Variants in OPRM1 observed in about 807,000 individuals in gnomAD.
OPRM1 encodes opioid receptor mu 1.
A neutral mutation model predicts 31.8 loss-of-function variants in OPRM1; 27 were observed. That is an observed-to-expected ratio of 0.85 (90% confidence interval 0.63 to 1.17). The LOEUF (loss-of-function observed/expected upper bound fraction) is 1.17, where lower values mean the gene tolerates loss of function less well. Ranked by LOEUF, OPRM1 falls within the 50% of genes most tolerant of loss-of-function variation. The pLI is 0.00. For synonymous variants in OPRM1, 196 were observed against 189.9 expected (o/e 1.03, Z -0.26); for missense variants, 536 against 511.1 (o/e 1.05, Z -0.47).
chr6:154,098,361 G>A (rs1363759450), intron 3 of OPRM1, among the ~76,000 whole-genome samples: 1 of 152,152 alleles, frequency 6.6e-6, no homozygotes, highest in African/African-American at 2.4e-5. Flanking sequence ...AAAATGAGAT[G>A]TCATCTTATT....
chr6:154,237,530 T>C (rs986179756), intron 3 of OPRM1, among the ~76,000 whole-genome samples: 8 of 152,192 alleles, frequency 5.3e-5, no homozygotes, highest in African/African-American at 1.9e-4. Context: ...TTGTATACAT[T>C]CCTTTGATTT....
At chr6:154,116,446 G>A (rs572848253) in intron 3 of OPRM1, among the ~76,000 whole-genome samples, 3 of 152,094 alleles carry the variant, frequency 2.0e-5, no homozygotes, top group South Asian at 4.2e-4. Context: ...TTAGCTGGGC[G>A]TGGTGGCACA....
At chr6:154,181,638 A>T (rs1161348353) in intron 3 of OPRM1, among the ~76,000 whole-genome samples, 1 of 152,204 alleles carries the variant, frequency 6.6e-6, no homozygotes, top group Non-Finnish European at 1.5e-5. Context: ...TGCTTGAACT[A>T]CTGCATCTTC....
At chr6:154,116,667 G>C (rs185489097) in intron 3 of OPRM1, among the ~76,000 whole-genome samples, 5 of 151,998 alleles carry the variant, frequency 3.3e-5, no homozygotes, top group African/African-American at 9.7e-5. Context: ...AGAAATCCAG[G>C]GTAGCAAACC....
intron 3 of OPRM1, among the ~76,000 whole-genome samples, chr6:154,235,425 G>C (rs577274865): frequency 1.3e-5 from 2 of 150,892 alleles, no homozygotes; most frequent in Non-Finnish European, 2.9e-5. Flanking sequence ...CCAGCTACTC[G>C]AGAGGCTGAG....
At chr6:154,181,485 C>T (rs768214911) in intron 3 of OPRM1, among the ~76,000 whole-genome samples, 1 of 152,214 alleles carries the variant, frequency 6.6e-6, no homozygotes, top group South Asian at 2.1e-4. Flanking sequence ...TTTAAATTTA[C>T]ATAGCTATAC....
At chr6:154,200,770 C>T (rs542399161) in intron 3 of OPRM1, among the ~76,000 whole-genome samples, 15 of 152,186 alleles carry the variant, frequency 9.9e-5, no homozygotes, top group East Asian at 5.8e-4. Context: ...AAACAAAATA[C>T]GAACTTAAAC....
intron 3 of OPRM1, among the ~76,000 whole-genome samples, chr6:154,117,109 G>A (rs17181296): frequency 0.036 from 5,475 of 152,192 alleles, 163 homozygotes; most frequent in Non-Finnish European, 0.045. Context: ...TTCATCAACA[G>A]GTAGGACAGA....
At chr6:154,032,580 C>T (rs1476702024) in intron 1 of OPRM1, among the ~76,000 whole-genome samples, 4 of 152,100 alleles carry the variant, frequency 2.6e-5, no homozygotes, top group South Asian at 2.1e-4. Context: ...GGATTACAAG[C>T]GTGCACCACA....
At chr6:154,169,466 C>T (rs1272513156) in intron 3 of OPRM1, among the ~76,000 whole-genome samples, 1 of 152,160 alleles carries the variant, frequency 6.6e-6, no homozygotes, top group African/African-American at 2.4e-5. Flanking sequence ...CCATGCAAGT[C>T]GACAAATATC....
intron 1 of OPRM1, among the ~76,000 whole-genome samples, chr6:154,078,344 G>A (rs1788328674): frequency 6.6e-6 from 1 of 152,086 alleles, no homozygotes; most frequent in Non-Finnish European, 1.5e-5. Flanking sequence ...AATATCCATT[G>A]CATATATTCC....
chr6:154,227,119 G>T lies in OPRM1; in HGVS notation c.1165-19574G>T, dbSNP rs150732050. Among the ~76,000 whole-genome samples, 813 of 152,140 alleles carry T rather than the reference G, an allele frequency of 5.3e-3. 7 individuals are homozygous for T. The highest frequency in any genetic ancestry group is 8.6e-3 in the Non-Finnish European group (583 of 67,992). Reference sequence around the variant, plus strand: ...AGGCTGAGGCTGAGGCAGGAGAATCGCTTGAACCTGGGAGGCAGAGGTTGC... The same window carrying T: ...AGGCTGAGGCTGAGGCAGGAGAATCTCTTGAACCTGGGAGGCAGAGGTTGC... On this transcript the variant is annotated intron_variant, in intron 3 of 3. Transcript: ENST00000337049.
rs149130418 is a variant in OPRM1, at chr6:154,126,839, C to A, written c.*8118C>A. 1.3e-5 allele frequency among the ~76,000 whole-genome samples: 2 copies of A among 152,034 alleles called. No homozygotes were observed. The highest frequency in any genetic ancestry group is 4.8e-5 in the African/African-American group (2 of 41,340). On this transcript the variant is annotated 3_prime_UTR_variant, in exon 4 of 4. Transcript: ENST00000330432. ...CAAATAAAAAAGTGCCTGCTGGGCG[C>A]GGTGGCTCACGCCTGTAATTCCAGC...
chr6:154,084,415 A>G (rs1789988979), intron 1 of OPRM1, among the ~76,000 whole-genome samples: 1 of 151,096 alleles, frequency 6.6e-6, no homozygotes, highest in African/African-American at 2.5e-5. Context: ...CCCCCAACAG[A>G]CAGACAGACA....
intron 3 of OPRM1, among the ~76,000 whole-genome samples, chr6:154,099,924 A>G (rs1352194592): frequency 7.0e-6 from 1 of 142,240 alleles, no homozygotes; most frequent in Admixed American, 7.1e-5. Context: ...CATAACATGT[A>G]TTATCATATT....
At chr6:154,233,624 G>T (rs995631197) in intron 3 of OPRM1, among the ~76,000 whole-genome samples, 3 of 152,150 alleles carry the variant, frequency 2.0e-5, no homozygotes, top group Non-Finnish European at 2.9e-5. Flanking sequence ...CAGATGGAAA[G>T]AATTGATTAC....
intron 1 of OPRM1, among the ~76,000 whole-genome samples, chr6:154,017,096 A>G (rs112317098): frequency 4.7e-4 from 72 of 152,250 alleles, no homozygotes; most frequent in African/African-American, 1.7e-3. Flanking sequence ...ACTTATCACC[A>G]TCTGACATTA....
At position 154,118,944 on chromosome 6, in the gene OPRM1, T is replaced by A. The variant is rs1797153843; in HGVS notation, c.*223T>A. The stretch of plus-strand genomic sequence containing the variant: ...GAAAGGAATATACCACACCGAGGAG[T>A]CCAGTTTGTGCAAGACACCCAGTGG... On this transcript the variant is annotated 3_prime_UTR_variant, in exon 4 of 4. Coordinates refer to ENST00000330432, the MANE Select transcript of OPRM1 (RefSeq NM_000914.5). The A allele has an allele frequency of 1.0e-5, 13 of 1,287,674 alleles. No homozygotes were observed. The highest frequency in any genetic ancestry group is 1.3e-5 in the Non-Finnish European group (13 of 1,018,212). The allele number at this position is 1,287,674 out of a possible 1,614,324, so 79.8% of individuals were successfully genotyped here.
intron 3 of OPRM1, among the ~76,000 whole-genome samples, chr6:154,181,815 A>AC (rs1800902182): frequency 6.6e-6 from 1 of 152,216 alleles, no homozygotes. Flanking sequence ...CTTCTTGGGG[A>AC]CTTGAACTGG....
Sources: gnomAD v4.1 joint callset for allele counts (sites outside exome capture counted in the v4.1 genomes callset) on GRCh38, gnomAD v4.1.1 for gene constraint, MANE v1.5 for transcripts, NCBI Gene and HGNC (gene_info 2026-07-23, HGNC 2026-07-21) for gene names.